Variants in TFAP2E observed in about 807,000 individuals in gnomAD.
The protein encoded by TFAP2E is transcription factor AP-2 epsilon, also known as transcription factor AP-2-epsilon.
In TFAP2E, 30 loss-of-function variants were observed where a neutral mutation model predicts 37.9. The ratio of observed to expected loss-of-function variants is 0.79; its 90% confidence interval spans 0.59 to 1.07. TFAP2E has a LOEUF of 1.07. TFAP2E is among the 50% of genes least tolerant of loss of function. The probability of loss-of-function intolerance (pLI) is 0.00; values close to 1 mark genes in which losing one functional copy is unlikely to be tolerated. For missense variants in TFAP2E, 567 were observed against 637.9 expected, an observed-to-expected ratio of 0.89 and a Z score of 1.20; for synonymous variants, 318 against 295.8, an observed-to-expected ratio of 1.08 and a Z score of -0.77.
rs1157746856 is a variant in TFAP2E, at chr1:35,574,083, C to G, written c.184C>G (p.Pro62Ala). ...CTACTTCCCGCCGCCCTACCCGCAGCCACCGCTGCCCTACGGTCAGGCGCC... is the reference window on the plus strand; with the variant it reads ...CTACTTCCCGCCGCCCTACCCGCAGGCACCGCTGCCCTACGGTCAGGCGCC... ...PPYFPPPYPQ[P>A]PLPYGQAPDA... Residue 62 changes from proline to alanine, a missense_variant, in exon 2 of 7, where the codon CCA becomes GCA. Coordinates refer to ENST00000373235, the MANE Select transcript of TFAP2E (RefSeq NM_178548.4). The G allele has an allele frequency of 5.4e-6, 8 of 1,476,308 alleles. No individual in the cohort carries two copies. The Admixed American group carries it at 1.8e-4, about 32-fold the overall frequency. The allele number at this position is 1,476,308 out of a possible 1,614,324, so 91.5% of individuals were successfully genotyped here.
Position 35,589,951 on chromosome 1 carries a change from C to T in TFAP2E, c.807C>T (p.Gly269=), listed in dbSNP as rs760249038. ...VLRRAKSKNG[G]RCLRERLEKI... ...CAAGGGCCAAGTCCAAAAATGGGGG[C>T]CGGTGTTTGCGGGAACGGTTAGAGA... is the stretch of plus-strand genomic sequence containing the variant. Residue 269 remains glycine, a synonymous_variant, in exon 5 of 7, where the codon GGC becomes GGT. Transcript: ENST00000373235. 1.9e-6 allele frequency: 3 copies of T among 1,613,846 alleles called. No homozygotes were observed. The highest frequency in any genetic ancestry group is 1.7e-5 in the Admixed American group (1 of 59,992).
At chr1:35,576,875 G>A (rs1649189398) in intron 3 of TFAP2E, among the ~76,000 whole-genome samples, 1 of 151,958 alleles carries the variant, frequency 6.6e-6, no homozygotes, top group African/African-American at 2.4e-5. Flanking sequence ...CGGCCGCGCG[G>A]ACTCACGTGC....
intron 3 of TFAP2E, among the ~76,000 whole-genome samples, chr1:35,580,714 G>T (rs1249637823): frequency 1.3e-5 from 2 of 151,986 alleles, no homozygotes; most frequent in Non-Finnish European, 2.9e-5. Context: ...GGCGGAGCTT[G>T]CAGTGAGCTG....
chr1:35,594,763 G>T lies in TFAP2E; in HGVS notation c.*87G>T. On this transcript the variant is annotated 3_prime_UTR_variant, in exon 7 of 7. Coordinates refer to ENST00000373235, the MANE Select transcript of TFAP2E (RefSeq NM_178548.4). ...GGGGTGGGCCTGGAAGGACTGAAAGGTGGGATTAGAGTCAGGCCAGAAAGA... is the reference window on the plus strand; with the variant it reads ...GGGGTGGGCCTGGAAGGACTGAAAGTTGGGATTAGAGTCAGGCCAGAAAGA... 2 of 1,577,224 alleles carry T rather than the reference G, an allele frequency of 1.3e-6. No individual in the cohort carries two copies. The highest frequency in any genetic ancestry group is 1.7e-6 in the Non-Finnish European group (2 of 1,165,084).
intron 6 of TFAP2E, among the ~76,000 whole-genome samples, chr1:35,592,040 C>A (rs1211906010): frequency 6.6e-6 from 1 of 152,118 alleles, no homozygotes; most frequent in Non-Finnish European, 1.5e-5. Context: ...GTAATCCCAG[C>A]ACTTTTGAGA....
rs1033439207 is a variant in TFAP2E at position 35,577,073 on chromosome 1, G to A, written c.562+2073G>A. Among the ~76,000 whole-genome samples, 9 of 152,182 alleles carry A rather than the reference G, an allele frequency of 5.9e-5. No homozygotes were observed. The highest frequency in any genetic ancestry group is 2.2e-4 in the African/African-American group (9 of 41,450). ...GCGGGTCTGTGGCCCAGTGGAGCGAGTGGAGCGCTGGCGACCTGAGCGGAG... is the reference window on the plus strand; with the variant it reads ...GCGGGTCTGTGGCCCAGTGGAGCGAATGGAGCGCTGGCGACCTGAGCGGAG... On this transcript the variant is annotated intron_variant, in intron 3 of 6. Transcript: ENST00000373235. The surrounding 1 kb of genome is among the most constrained non-coding windows in gnomAD (Gnocchi z 6.3).
At chr1:35,592,931 A>G (rs77290645) in intron 6 of TFAP2E, among the ~76,000 whole-genome samples, 260 of 152,244 alleles carry the variant, frequency 1.7e-3, no homozygotes, top group African/African-American at 5.7e-3. Context: ...ACCTCCTAAT[A>G]CTATCACCTA....
rs1649560708 is a variant in TFAP2E at position 35,588,629 on chromosome 1, A to G, written c.785+77A>G. Reference sequence around the variant, plus strand: ...AGGCCTTCTCAAGGCATCAGAGAGGAGGCCAGTCTCACCTAGGCCCTCTGC... The same window carrying G: ...AGGCCTTCTCAAGGCATCAGAGAGGGGGCCAGTCTCACCTAGGCCCTCTGC... On this transcript the variant is annotated intron_variant, in intron 4 of 6. Coordinates refer to ENST00000373235, the MANE Select transcript of TFAP2E (RefSeq NM_178548.4). This position sits in a 1 kb window ranked among gnomAD's most constrained non-coding sequence, Gnocchi z 5.1. 2 of 1,423,858 alleles carry G rather than the reference A, an allele frequency of 1.4e-6. No homozygotes were observed. The highest frequency in any genetic ancestry group is 1.4e-5 in the African/African-American group (1 of 70,362). The allele number at this position is 1,423,858 out of a possible 1,614,324, so 88.2% of individuals were successfully genotyped here. A position where few individuals can be genotyped will look rare whatever the true frequency, so the allele number is the denominator to read the frequency against.
chr1:35,576,833 G>A (rs539129835), intron 3 of TFAP2E, among the ~76,000 whole-genome samples: 1 of 152,224 alleles, frequency 6.6e-6, no homozygotes, highest in African/African-American at 2.4e-5. Context: ...CCCAGGTGGC[G>A]GCGCGCTGGC....
intron 3 of TFAP2E, among the ~76,000 whole-genome samples, chr1:35,585,976 G>A (rs1470788728): frequency 6.6e-6 from 1 of 152,148 alleles, no homozygotes; most frequent in African/African-American, 2.4e-5. Context: ...TTGAGCCTGG[G>A]AGGTGGTGGT....
At chr1:35,595,503 A>G (rs1330133621), downstream of TFAP2E, among the ~76,000 whole-genome samples, 1 of 152,024 alleles carries the variant, frequency 6.6e-6, no homozygotes, top group African/African-American at 2.4e-5. Context: ...TGTCACTGGG[A>G]TCTTGTATTT....
chr1:35,573,695 A>G lies in TFAP2E; in HGVS notation c.27+91A>G. 6.7e-7 allele frequency: 1 copy of G among 1,494,488 alleles called. No homozygotes were observed. The highest frequency in any genetic ancestry group is 8.9e-7 in the Non-Finnish European group (1 of 1,117,532). The allele number at this position is 1,494,488 out of a possible 1,614,324, so 92.6% of individuals were successfully genotyped here. A position where few individuals can be genotyped will look rare whatever the true frequency, so the allele number is the denominator to read the frequency against. On this transcript the variant is annotated intron_variant, in intron 1 of 6. Coordinates refer to ENST00000373235, the MANE Select transcript of TFAP2E (RefSeq NM_178548.4). The surrounding 1 kb of genome is among the most constrained non-coding windows in gnomAD (Gnocchi z 5.9). Reference sequence around the variant, plus strand: ...CAACCCTCCTGTCCCGCGCTAACGAAATCTCGGAGGGAGGGGGCCGCAGGG... The same window carrying G: ...CAACCCTCCTGTCCCGCGCTAACGAGATCTCGGAGGGAGGGGGCCGCAGGG...
chr1:35,589,990 C>A lies in TFAP2E; in HGVS notation c.846C>A (p.Asn282Lys), dbSNP rs202016712. ...LRERLEKIGL[N>K]LPAGRRKAAN... ...AACGGTTAGAGAAGATTGGGCTCAACCTGCCAGCTGGCCGTCGCAAGGCCG... is the reference window on the plus strand; with the variant it reads ...AACGGTTAGAGAAGATTGGGCTCAAACTGCCAGCTGGCCGTCGCAAGGCCG... The change falls in exon 5 of 7, where the codon AAC (asparagine) becomes AAA (lysine). Residue 282 changes from asparagine (N) to lysine (K), a missense_variant. Asn to Lys is a moderately conservative substitution (Grantham distance 94, BLOSUM62 0). Transcript: ENST00000373235. 6.2e-7 allele frequency: 1 copy of A among 1,614,114 alleles called. No homozygotes were observed. Among genetic ancestry groups the A allele is most frequent in the African/African-American group, 1.3e-5 (1 of 75,030 alleles).
chr1:35,574,859 G>C, intron 2 of TFAP2E, 90 bp from the exon 3 acceptor site: 1 of 1,580,402 alleles, frequency 6.3e-7, no homozygotes. Context: ...CTTGGGCGGA[G>C]CAGACAGAGA....
intron 4 of TFAP2E, 108 bp from the exon 5 acceptor site, chr1:35,589,822 C>T: frequency 8.6e-7 from 1 of 1,163,746 alleles, no homozygotes; most frequent in Admixed American, 1.8e-5. Context: ...AATCCCAAAC[C>T]TCAACAGGGG....
chr1:35,594,677 C>G lies in TFAP2E; in HGVS notation c.*1C>G. ...GAAGGATGCCAAGCATCGGAAATAACTGCTTCTCCCACCCCATCCCTAAGG... is the reference window on the plus strand; with the variant it reads ...GAAGGATGCCAAGCATCGGAAATAAGTGCTTCTCCCACCCCATCCCTAAGG... On this transcript the variant is annotated 3_prime_UTR_variant, in exon 7 of 7. Coordinates refer to ENST00000373235, the MANE Select transcript of TFAP2E (RefSeq NM_178548.4). 1 of 1,613,676 alleles carries G rather than the reference C, an allele frequency of 6.2e-7. No individual in the cohort carries two copies. Among genetic ancestry groups the G allele is most frequent in the Non-Finnish European group, 8.5e-7 (1 of 1,180,040 alleles).
chr1:35,574,696 C>G, intron 2 of TFAP2E: 1 of 639,578 alleles, frequency 1.6e-6, no homozygotes, highest in South Asian at 2.1e-5. Context: ...GGGCAGCCTG[C>G]ACCTGGGGCG....
At chr1:35,576,180 G>T (rs1357961230) in intron 3 of TFAP2E, among the ~76,000 whole-genome samples, 1 of 152,252 alleles carries the variant, frequency 6.6e-6, no homozygotes, top group Non-Finnish European at 1.5e-5. Context: ...GGTGGAAGTG[G>T]TGGTAGCAGG....
chr1:35,573,394 G>T lies in TFAP2E; in HGVS notation c.-184G>T, dbSNP rs1649065527. The T allele has an allele frequency of 1.8e-5, 13 of 723,984 alleles. No individual in the cohort carries two copies. In the South Asian group the frequency reaches 3.4e-4, roughly 19 times the overall value. 44.8% of individuals were successfully genotyped at this position (723,984 alleles called of 1,614,324 possible). A position where few individuals can be genotyped will look rare whatever the true frequency, so the allele number is the denominator to read the frequency against. ...AGTGCCCGTCCGTCCTGCCTCCATG[G>T]ACCCGCCCGGGAACGGCCACCGCTG... On this transcript the variant is annotated 5_prime_UTR_variant, in exon 1 of 7. Transcript: ENST00000373235. The surrounding 1 kb of genome is among the most constrained non-coding windows in gnomAD (Gnocchi z 5.9).
Sources: gnomAD v4.1 joint callset for allele counts (sites outside exome capture counted in the v4.1 genomes callset) on GRCh38, gnomAD v4.1.1 for gene constraint, Gnocchi (gnomAD v3.1) non-coding constraint, MANE v1.5 for transcripts, NCBI Gene and HGNC (gene_info 2026-07-23, HGNC 2026-07-21) for gene names.